The following GABRG3 variants were observed in gnomAD, a reference collection of about 807,000 sequenced individuals.
GABRG3 encodes the protein gamma-aminobutyric acid type A receptor subunit gamma3.
In GABRG3, 25 loss-of-function variants were observed where a neutral mutation model predicts 48.8. The observed-to-expected ratio is 0.51, with a 90% CI of 0.37 to 0.72. The LOEUF is 0.72. Ranked by LOEUF, GABRG3 falls within the 30% of genes least tolerant of loss-of-function variation. The pLI, the probability that GABRG3 is intolerant of heterozygous loss-of-function variation, is 0.00. For missense variants in GABRG3, 394 were observed against 577.9 expected, an observed-to-expected ratio of 0.68 and a Z score of 3.26; for synonymous variants, 227 against 217.6, an observed-to-expected ratio of 1.04 and a Z score of -0.38.
At chr15:27,075,064 T>G (rs1452314911) in intron 3 of GABRG3, among the ~76,000 whole-genome samples, 1 of 152,222 alleles carries the variant, frequency 6.6e-6, no homozygotes, top group Non-Finnish European at 1.5e-5. Context: ...CCCAATCAAC[T>G]TCAAGTAAAA....
intron 2 of GABRG3, among the ~76,000 whole-genome samples, chr15:26,998,967 AGAG>A (rs1895390428): frequency 6.6e-6 from 1 of 152,188 alleles, no homozygotes; most frequent in African/African-American, 2.4e-5. Context: ...TATTTAAAAG[AGAG>A]CTGCCATGCT....
At chr15:27,029,192 G>T (rs2140684727) in intron 3 of GABRG3, among the ~76,000 whole-genome samples, 1 of 152,314 alleles carries the variant, frequency 6.6e-6, no homozygotes, top group Non-Finnish European at 1.5e-5. Context: ...CTACTGAAGG[G>T]GTGGGGAGCC....
intron 5 of GABRG3, among the ~76,000 whole-genome samples, chr15:27,472,135 T>TA (rs2150840869): frequency 6.6e-6 from 1 of 152,322 alleles, no homozygotes; most frequent in African/African-American, 2.4e-5. Flanking sequence ...AGTAATAACT[T>TA]ACGAACTTCC....
chr15:27,355,354 A>T (rs193038025), intron 5 of GABRG3, among the ~76,000 whole-genome samples: 7 of 152,354 alleles, frequency 4.6e-5, no homozygotes, highest in South Asian at 2.1e-4. Context: ...AGTTATACAA[A>T]TGACCAATCA....
chr15:27,467,859 A>G (rs1241008099), intron 5 of GABRG3, among the ~76,000 whole-genome samples: 2 of 152,212 alleles, frequency 1.3e-5, no homozygotes, highest in South Asian at 2.1e-4. Flanking sequence ...CCTTCAGTCA[A>G]CCTGGGTCCA....
At chr15:27,527,734 T>C in intron 8 of GABRG3, 105 bp downstream of exon 8, 3 of 1,177,888 alleles carry the variant, frequency 2.5e-6, no homozygotes, top group Non-Finnish European at 3.6e-6. Context: ...CAAAGCATGA[T>C]ACAAATACCC....
chr15:27,496,389 C>T (rs1890488415), intron 6 of GABRG3, among the ~76,000 whole-genome samples: 1 of 152,176 alleles, frequency 6.6e-6, no homozygotes, highest in African/African-American at 2.4e-5. Flanking sequence ...TTGTGTGAGG[C>T]TGCCACTTTC....
intron 3 of GABRG3, among the ~76,000 whole-genome samples, chr15:27,079,852 A>G (rs146039441): frequency 6.6e-6 from 1 of 152,296 alleles, no homozygotes; most frequent in African/African-American, 2.4e-5. Context: ...TTAGTGGAGA[A>G]TTAAATAAAA....
chr15:27,048,027 T>G (rs1349142068), intron 3 of GABRG3, among the ~76,000 whole-genome samples: 1 of 152,152 alleles, frequency 6.6e-6, no homozygotes, highest in Non-Finnish European at 1.5e-5. Context: ...CCAGGCAAGG[T>G]ACAACACAGA....
intron 5 of GABRG3, among the ~76,000 whole-genome samples, chr15:27,478,096 A>G (rs1248478866): frequency 6.6e-6 from 1 of 151,960 alleles, no homozygotes; most frequent in African/African-American, 2.4e-5. Flanking sequence ...CTGGAGATGG[A>G]TGCGCCATTG....
At chr15:27,223,557 T>C (rs570104275) in intron 3 of GABRG3, among the ~76,000 whole-genome samples, 17 of 152,164 alleles carry the variant, frequency 1.1e-4, no homozygotes, top group Admixed American at 4.6e-4. Context: ...AAAAATGGAA[T>C]ATGAAGAAAA....
chr15:27,394,947 T>A (rs1287229308), intron 5 of GABRG3, among the ~76,000 whole-genome samples: 2 of 152,204 alleles, frequency 1.3e-5, no homozygotes, highest in African/African-American at 4.8e-5. Context: ...TTGAGTTTTT[T>A]ATTTTATTTG....
In GABRG3 at chr15:27,040,182, C is replaced by T. The variant is rs562992293; in HGVS notation, c.270+13361C>T. On this transcript the variant is annotated intron_variant, in intron 3 of 9. Transcript: ENST00000615808. ...GGTCCAGAGGACGCATTTCCACTTGCTGTGTTCGGGGTGGCCCATGACAGG... is the reference window on the plus strand; with the variant it reads ...GGTCCAGAGGACGCATTTCCACTTGTTGTGTTCGGGGTGGCCCATGACAGG... Among the ~76,000 whole-genome samples, 20 of 152,358 alleles carry T rather than the reference C, an allele frequency of 1.3e-4. No individual in the cohort carries two copies. In the South Asian group the frequency reaches 3.9e-3, roughly 30 times the overall value.
At chr15:26,980,614 T>C (rs968054392) in intron 2 of GABRG3, among the ~76,000 whole-genome samples, 1 of 149,942 alleles carries the variant, frequency 6.7e-6, no homozygotes, top group African/African-American at 2.5e-5. Flanking sequence ...GGGAGGCAGA[T>C]GTTGCAGTGA....
intron 3 of GABRG3, among the ~76,000 whole-genome samples, chr15:27,215,524 T>C (rs1349285267): frequency 6.6e-6 from 1 of 152,202 alleles, no homozygotes; most frequent in Non-Finnish European, 1.5e-5. Context: ...CTAACCTTAA[T>C]AGATTGTTCT....
At chr15:27,008,651 A>C (rs1895630911) in intron 2 of GABRG3, among the ~76,000 whole-genome samples, 1 of 151,000 alleles carries the variant, frequency 6.6e-6, no homozygotes, top group African/African-American at 2.4e-5. Flanking sequence ...TTTTTATAAC[A>C]TTCTCCCCCC....
At chr15:27,120,397 T>C (rs1359398449) in intron 3 of GABRG3, among the ~76,000 whole-genome samples, 1 of 152,188 alleles carries the variant, frequency 6.6e-6, no homozygotes, top group Non-Finnish European at 1.5e-5. Context: ...CTGGTGACAT[T>C]TGTGTTTTTA....
In GABRG3 at chr15:27,101,842, T is replaced by TAAAA. The variant is rs55887752; in HGVS notation, c.270+75042_270+75045dup. ...CTAACAGTAACGATAGCTGATGAGC[T>TAAAA]AAAAAAAAAAAAAAAAAAAAAAAAT... On this transcript the variant is annotated intron_variant, in intron 3 of 9. Transcript: ENST00000615808. 6.3e-4 allele frequency among the ~76,000 whole-genome samples: 46 copies of TAAAA among 72,510 alleles called. No homozygotes were observed. The East Asian group carries it at 6.4e-3, about 10-fold the overall frequency. The allele number at this position is 72,510 out of a possible 152,430, so 47.6% of individuals were successfully genotyped here.
intron 5 of GABRG3, among the ~76,000 whole-genome samples, chr15:27,472,842 A>G (rs1465039677): frequency 3.3e-5 from 5 of 152,086 alleles, no homozygotes; most frequent in Admixed American, 2.6e-4. Flanking sequence ...TGACTAATAT[A>G]TTTTAGCTTA....
Sources: allele counts gnomAD v4.1 joint callset (sites outside exome capture counted in the v4.1 genomes callset), GRCh38; gene constraint gnomAD v4.1.1; transcripts MANE v1.5; gene names NCBI Gene and HGNC (gene_info 2026-07-23, HGNC 2026-07-21).